The following PI4KA variants were observed in gnomAD, a reference collection of about 807,000 sequenced individuals.
PI4KA encodes the protein PI4-kinase alpha.
Under a neutral mutation model 271.4 loss-of-function variants are expected in PI4KA, and 122 were observed. The observed-to-expected ratio is 0.45, with a 90% CI of 0.39 to 0.52. PI4KA has a LOEUF of 0.52. Among genes scored for constraint, PI4KA ranks in the 20% least tolerant of loss-of-function variants. The pLI is 0.00. For missense variants in PI4KA, 1,969 were observed against 2,769.1 expected (o/e 0.71, Z 6.48); for synonymous variants, 1,041 against 1,078.8 (o/e 0.96, Z 0.69).
chr22:20,728,329 C>G (rs1478785891), intron 39 of PI4KA, among the ~76,000 whole-genome samples: 1 of 152,172 alleles, frequency 6.6e-6, no homozygotes, highest in Non-Finnish European at 1.5e-5. Context: ...ACTAGTAGGT[C>G]TGAACATTAG....
rs1406831489 is a variant in PI4KA, at chr22:20,804,346, C to T, written c.1415G>A (p.Ser472Asn). ...GGGCAAGTGAGCAATAATGACTTTG[C>T]TGGACGTCTTGGACTGCAGCTTCTC... ...LSEKLQSKTS[S>N]KVIIAHLPLL... The change falls in exon 12 of 55, where the codon AGC becomes AAC. Residue 472 changes from serine to asparagine, a missense_variant. Ser to Asn is a conservative substitution (Grantham distance 46). Coordinates refer to ENST00000255882, the MANE Select transcript of PI4KA (RefSeq NM_058004.4). 6.2e-7 allele frequency: 1 copy of T among 1,613,988 alleles called. No homozygotes were observed. The highest frequency in any genetic ancestry group is 1.3e-5 in the African/African-American group (1 of 74,930).
intron 5 of PI4KA, among the ~76,000 whole-genome samples, chr22:20,820,277 C>T (rs1922470539): frequency 6.6e-6 from 1 of 152,148 alleles, no homozygotes; most frequent in Non-Finnish European, 1.5e-5. Context: ...AACTAATCTA[C>T]CCACAGATGT....
intron 19 of PI4KA, chr22:20,779,291 T>C: frequency 1.2e-6 from 2 of 1,613,984 alleles, no homozygotes. Context: ...CTGTTTTCCC[T>C]CCCAGCTTTA....
At chr22:20,835,144 T>A (rs918589462) in intron 2 of PI4KA, among the ~76,000 whole-genome samples, 6 of 151,996 alleles carry the variant, frequency 3.9e-5, no homozygotes, top group Non-Finnish European at 7.4e-5. Context: ...TTTTTTTTTT[T>A]AATTTTCTAC....
chr22:20,751,702 A>T lies in PI4KA; in HGVS notation c.3041T>A (p.Leu1014Gln). The change falls in exon 26 of 55, where the codon CTG becomes CAG. Residue 1014 changes from leucine (L) to glutamine (Q), a missense_variant. Coordinates refer to ENST00000255882, the MANE Select transcript of PI4KA (RefSeq NM_058004.4). ...GTVLKTMLDI[L>Q]QTLSLSLSAD... is the part of the protein sequence containing the mutation. ...GCTCAGTGACAGTGACAGGGTCTGC[A>T]GGATGTCCAGCATGGTCTTCAGCAC... The T allele has an allele frequency of 6.2e-7, 1 of 1,614,132 alleles. No individual in the cohort carries two copies. The highest frequency in any genetic ancestry group is 8.5e-7 in the Non-Finnish European group (1 of 1,179,966).
intron 19 of PI4KA, 37 bp from the exon 20 acceptor site, chr22:20,765,730 T>C (rs746287793): frequency 2.2e-6 from 3 of 1,389,480 alleles, no homozygotes; most frequent in Non-Finnish European, 3.1e-6. Context: ...AGGAGGTTAT[T>C]TGCTGAGGAA....
chr22:20,790,699 AACAC>A (rs362174), intron 19 of PI4KA, among the ~76,000 whole-genome samples: 49,674 of 139,066 alleles, frequency 0.36, 8,668 homozygotes, highest in Admixed American at 0.43. Context: ...AAAAAAAACA[AACAC>A]ACACACACAC....
intron 52 of PI4KA, chr22:20,710,252 G>A (rs901839033): frequency 1.9e-5 from 11 of 580,666 alleles, no homozygotes; most frequent in Non-Finnish European, 3.1e-5. Context: ...TAAGGCTGCC[G>A]GCCATGGCTT....
intron 23 of PI4KA, among the ~76,000 whole-genome samples, chr22:20,758,459 C>CTTTTTTTTTTTTTTTTTTTTTTTTTTTT (rs35401829): frequency 1.2e-5 from 1 of 85,036 alleles, no homozygotes; most frequent in Non-Finnish European, 2.2e-5. Context: ...TCTTTCTTTT[C>CTTTTTTTTTTTTTTTTTTTTTTTTTTTT]TTTTTTTTTT....
At position 20,780,775 on chromosome 22, in the gene PI4KA, C is replaced by CA. The variant is rs538327544; in HGVS notation, c.2328+12417dup. Among the ~76,000 whole-genome samples the CA allele has an allele frequency of 4.4e-3, 298 of 67,642 alleles. 17 individuals are homozygous for CA. Among genetic ancestry groups the CA allele is most frequent in the Admixed American group, 0.012 (65 of 5,290 alleles). 44.4% of individuals were successfully genotyped at this position (67,642 alleles called of 152,430 possible). A position where few individuals can be genotyped will look rare whatever the true frequency, so the allele number is the denominator to read the frequency against. ...TGGACGACAGAGTGAGACTCCATCT[C>CA]AAAAAAAAAAAAAAAAGAAGTAAAA... On this transcript the variant is annotated intron_variant, in intron 19 of 54. Coordinates refer to ENST00000255882, the MANE Select transcript of PI4KA (RefSeq NM_058004.4).
rs554234365 is a variant in PI4KA at position 20,750,745 on chromosome 22, C to T, written c.3153+548G>A. Among the ~76,000 whole-genome samples the T allele has an allele frequency of 1.2e-4, 19 of 152,334 alleles. No homozygotes were observed. In the East Asian group the frequency reaches 3.7e-3, roughly 29 times the overall value. On this transcript the variant is annotated intron_variant, in intron 27 of 54. Transcript: ENST00000255882. Reference sequence around the variant, plus strand: ...GGTCCAGAGGTAGGACATGACTCAGCCCAGGCTGAAGGAGCTGTGAGCTGA... The same window carrying T: ...GGTCCAGAGGTAGGACATGACTCAGTCCAGGCTGAAGGAGCTGTGAGCTGA...
Position 20,790,058 on chromosome 22 carries a change from G to T in PI4KA, c.2328+3135C>A, listed in dbSNP as rs145824767. Reference sequence around the variant, plus strand: ...CTAAGCATTAGATACCATTCAAAACGTTTAACTAACAAGCTAAGTAACAAC... The same window carrying T: ...CTAAGCATTAGATACCATTCAAAACTTTTAACTAACAAGCTAAGTAACAAC... On this transcript the variant is annotated intron_variant, in intron 19 of 54. Transcript: ENST00000255882. 4.2e-3 allele frequency among the ~76,000 whole-genome samples: 639 copies of T among 152,284 alleles called. 4 individuals carry two copies. Among genetic ancestry groups the T allele is most frequent in the Middle Eastern group, 6.8e-3 (2 of 294 alleles).
Position 20,751,619 on chromosome 22 carries a change from G to A in PI4KA, c.3069+55C>T, listed in dbSNP as rs905859563. 7.4e-5 allele frequency: 104 copies of A among 1,406,100 alleles called. 1 individual carries two copies. Among genetic ancestry groups the A allele is most frequent in the South Asian group, 6.9e-5 (6 of 87,032 alleles). 87.1% of individuals were successfully genotyped at this position (1,406,100 alleles called of 1,614,324 possible). On this transcript the variant is annotated intron_variant, in intron 26 of 54. Coordinates refer to ENST00000255882, the MANE Select transcript of PI4KA (RefSeq NM_058004.4). The stretch of plus-strand genomic sequence containing the variant: ...ACAACACAGGGCGGACAGGGCCGGC[G>A]GGGTGGTGGTAGAGCGGGTGGTGTT...
chr22:20,750,294 C>T (rs181795245), intron 27 of PI4KA, among the ~76,000 whole-genome samples: 90 of 152,254 alleles, frequency 5.9e-4, no homozygotes, highest in South Asian at 3.1e-3. Flanking sequence ...GGGAAGAACA[C>T]GTAAAGACAC....
At chr22:20,753,621 T>C (rs1038933637) in intron 23 of PI4KA, among the ~76,000 whole-genome samples, 6 of 152,204 alleles carry the variant, frequency 3.9e-5, no homozygotes, top group Admixed American at 3.3e-4. Flanking sequence ...CTGATGCTTG[T>C]CCATGATAAG....
Position 20,721,152 on chromosome 22 carries a change from G to C in PI4KA, c.5116+146C>G. ...GTCCTGCTCCCCTGTGTGCTGAAAG[G>C]TGAGAAGTGCCCCAGCAAAGGGTGG... On this transcript the variant is annotated intron_variant, in intron 43 of 54. Transcript: ENST00000255882. The C allele has an allele frequency of 5.0e-6, 4 of 798,508 alleles. No homozygotes were observed. The South Asian group carries it at 6.2e-5, about 12-fold the overall frequency. The allele number at this position is 798,508 out of a possible 1,614,324, so 49.5% of individuals were successfully genotyped here. A position where few individuals can be genotyped will look rare whatever the true frequency, so the allele number is the denominator to read the frequency against.
rs374458021 is a variant in PI4KA, at chr22:20,764,801, G to T, written c.2708+16C>A. On this transcript the variant is annotated intron_variant, in intron 22 of 54. Coordinates refer to ENST00000255882, the MANE Select transcript of PI4KA (RefSeq NM_058004.4). ...AATGTGGATGTGCATGTGCATGGTG[G>T]TGAAGGCACGTGTACCTCATGTACT... is the stretch of plus-strand genomic sequence containing the variant. 6.2e-7 allele frequency: 1 copy of T among 1,601,224 alleles called. No homozygotes were observed. The highest frequency in any genetic ancestry group is 1.3e-5 in the African/African-American group (1 of 74,710).
At chr22:20,828,222 C>T (rs1244045324) in intron 3 of PI4KA, among the ~76,000 whole-genome samples, 2 of 152,136 alleles carry the variant, frequency 1.3e-5, no homozygotes, top group African/African-American at 4.8e-5. Flanking sequence ...TGAAACTTTG[C>T]TGAAGTTGTT....
chr22:20,845,686 T>C (rs1926139764), intron 1 of PI4KA, among the ~76,000 whole-genome samples: 1 of 152,178 alleles, frequency 6.6e-6, no homozygotes, highest in Non-Finnish European at 1.5e-5. Context: ...ACAAGCACCC[T>C]GGATCAGAGT....
Sources: allele counts gnomAD v4.1 joint callset (sites outside exome capture counted in the v4.1 genomes callset), GRCh38; gene constraint gnomAD v4.1.1; transcripts MANE v1.5; gene names NCBI Gene and HGNC (gene_info 2026-07-23, HGNC 2026-07-21).